DPP10: variants seen among roughly 807,000 people sequenced by gnomAD.
DPP10 encodes dipeptidyl peptidase like 10, also known as inactive dipeptidyl peptidase 10.
A neutral mutation model predicts 120.9 loss-of-function variants in DPP10; 33 were observed. The ratio of observed to expected loss-of-function variants is 0.27; its 90% CI spans 0.21 to 0.37. The LOEUF (loss-of-function observed/expected upper bound fraction) is 0.37. DPP10 is among the 10% of genes least tolerant of loss of function. The pLI is 1.00. For synonymous variants in DPP10, 337 were observed against 326.1 expected (o/e 1.03, Z -0.36); for missense variants, 816 against 942.8 (o/e 0.87, Z 1.76).
At chr2:114,627,331 C>G (rs1340257721) in intron 1 of DPP10, among the ~76,000 whole-genome samples, 1 of 152,134 alleles carries the variant, frequency 6.6e-6, no homozygotes, top group Non-Finnish European at 1.5e-5. Flanking sequence ...ATACATTTTT[C>G]AAGCAGTAGT....
chr2:115,409,543 A>G lies in DPP10; in HGVS notation c.271+65631A>G, dbSNP rs72840779. Among the ~76,000 whole-genome samples the G allele has an allele frequency of 9.3e-3, 1,423 of 152,324 alleles. 11 individuals carry two copies. The highest frequency in any genetic ancestry group is 0.014 in the Non-Finnish European group (926 of 68,014). The stretch of plus-strand genomic sequence containing the variant: ...TTGGCATAGATCTTGTGAATCAGGA[A>G]CGCTTTTACACTGCTAGTGGAAATG... On this transcript the variant is annotated intron_variant, in intron 3 of 25. Transcript: ENST00000410059.
Position 114,930,255 on chromosome 2 carries a change from G to A in DPP10, c.61-378984G>A, listed in dbSNP as rs13420315. ...TCTCCTTAAAATATTCTTCTCTACC[G>A]CATAGCCAGGCTGAAAATTTTCTAA... On this transcript the variant is annotated intron_variant, in intron 1 of 25. Transcript: ENST00000410059. Among the ~76,000 whole-genome samples, 625 of 152,092 alleles carry A rather than the reference G, an allele frequency of 4.1e-3. 1 individual carries two copies. Among genetic ancestry groups the A allele is most frequent in the African/African-American group, 0.015 (603 of 41,462 alleles).
At chr2:114,813,936 G>A (rs113498511) in intron 1 of DPP10, among the ~76,000 whole-genome samples, 35 of 122,122 alleles carry the variant, frequency 2.9e-4, no homozygotes, top group African/African-American at 8.2e-4. Flanking sequence ...ACAGTGGCAC[G>A]CATGAACACA....
At chr2:115,664,657 G>A (rs1481908931) in intron 5 of DPP10, among the ~76,000 whole-genome samples, 1 of 152,186 alleles carries the variant, frequency 6.6e-6, no homozygotes, top group Non-Finnish European at 1.5e-5. Context: ...GTATTTAGCT[G>A]CTGAGCTCAC....
chr2:115,395,948 C>G (rs1230135578), intron 3 of DPP10, among the ~76,000 whole-genome samples: 1 of 152,108 alleles, frequency 6.6e-6, no homozygotes, highest in Non-Finnish European at 1.5e-5. Context: ...GATTCAATTT[C>G]TGATAGTGAA....
At position 115,629,218 on chromosome 2, in the gene DPP10, G is replaced by T. The variant is rs1392361978; in HGVS notation, c.442-60469G>T. 1.6e-4 allele frequency among the ~76,000 whole-genome samples: 24 copies of T among 152,068 alleles called. 1 individual carries two copies. Among genetic ancestry groups the T allele is most frequent in the Non-Finnish European group, 2.2e-4 (15 of 68,026 alleles). On this transcript the variant is annotated intron_variant, in intron 5 of 25. Coordinates refer to ENST00000410059, the MANE Select transcript of DPP10 (RefSeq NM_020868.6). ...ATTTTCTTAATCCAGTCTATCATTG[G>T]TGGACATTTGGGTTGGTTCCAAGTC... is the stretch of plus-strand genomic sequence containing the variant.
chr2:115,372,890 C>T (rs1366896980), intron 3 of DPP10, among the ~76,000 whole-genome samples: 1 of 152,148 alleles, frequency 6.6e-6, no homozygotes, highest in African/African-American at 2.4e-5. Context: ...TTGCTTTTGT[C>T]ACTGAAAATA....
At chr2:115,320,398 C>A (rs1258213754) in intron 2 of DPP10, among the ~76,000 whole-genome samples, 8 of 151,684 alleles carry the variant, frequency 5.3e-5, no homozygotes, top group Admixed American at 4.6e-4. Flanking sequence ...TCTGTTTGTC[C>A]TTTTACGTGT....
At chr2:115,532,323 G>A (rs1266147169) in intron 5 of DPP10, among the ~76,000 whole-genome samples, 2 of 152,018 alleles carry the variant, frequency 1.3e-5, no homozygotes, top group Admixed American at 6.6e-5. Flanking sequence ...CCAGTTCACA[G>A]TTGCAGAGCT....
At chr2:115,303,871 C>G (rs748734433) in intron 1 of DPP10, among the ~76,000 whole-genome samples, 2 of 151,930 alleles carry the variant, frequency 1.3e-5, no homozygotes, top group Non-Finnish European at 2.9e-5. Context: ...GCTTTTCAAG[C>G]CAGAGCTGGC....
chr2:114,711,892 C>G (rs1416766582), intron 1 of DPP10, among the ~76,000 whole-genome samples: 1 of 152,030 alleles, frequency 6.6e-6, no homozygotes, highest in Non-Finnish European at 1.5e-5. Context: ...CTGCTGCTTC[C>G]AAAGATCTCA....
chr2:115,622,510 CTTTTT>C (rs70941082), intron 5 of DPP10, among the ~76,000 whole-genome samples: 55 of 117,410 alleles, frequency 4.7e-4, no homozygotes, highest in Non-Finnish European at 6.5e-4. Context: ...ATTTTATTGT[CTTTTT>C]TTTTTTTTTT....
At chr2:114,668,169 A>G (rs1444818800) in intron 1 of DPP10, among the ~76,000 whole-genome samples, 1 of 152,166 alleles carries the variant, frequency 6.6e-6, no homozygotes, top group Non-Finnish European at 1.5e-5. Flanking sequence ...ATAATCTGCC[A>G]TCTACAAGCT....
intron 19 of DPP10, among the ~76,000 whole-genome samples, chr2:115,805,219 A>C (rs1559177859): frequency 6.6e-6 from 1 of 151,832 alleles, no homozygotes; most frequent in Non-Finnish European, 1.5e-5. Flanking sequence ...TGGGCTTAGG[A>C]CCCTCCCAGC....
At chr2:115,529,945 A>G (rs2078362195) in intron 5 of DPP10, among the ~76,000 whole-genome samples, 2 of 152,138 alleles carry the variant, frequency 1.3e-5, no homozygotes, top group African/African-American at 2.4e-5. Flanking sequence ...TGGAATAAGG[A>G]ACATAAAACT....
chr2:114,449,166 G>C (rs1349802500), intron 1 of DPP10, among the ~76,000 whole-genome samples: 1 of 152,118 alleles, frequency 6.6e-6, no homozygotes, highest in Non-Finnish European at 1.5e-5. Flanking sequence ...CTTCTTGCCA[G>C]CTGTATCTGA....
chr2:115,015,356 T>C (rs1005135332), intron 1 of DPP10, among the ~76,000 whole-genome samples: 1 of 152,072 alleles, frequency 6.6e-6, no homozygotes, highest in African/African-American at 2.4e-5. Context: ...ATACTCAAAA[T>C]AATAAGAGCT....
chr2:114,577,849 G>A (rs554421358), intron 1 of DPP10, among the ~76,000 whole-genome samples: 6 of 152,184 alleles, frequency 3.9e-5, no homozygotes, highest in East Asian at 1.9e-4. Flanking sequence ...TTATTATCAC[G>A]TGACATTCTT....
intron 1 of DPP10, among the ~76,000 whole-genome samples, chr2:114,755,580 A>G (rs1277888205): frequency 2.6e-5 from 4 of 152,202 alleles, no homozygotes; most frequent in Non-Finnish European, 5.9e-5. Flanking sequence ...GAAGAAAGCA[A>G]ACAGGATATA....
Sources: gnomAD v4.1 joint callset for allele counts (sites outside exome capture counted in the v4.1 genomes callset) on GRCh38, gnomAD v4.1.1 for gene constraint, MANE v1.5 for transcripts, NCBI Gene and HGNC (gene_info 2026-07-23, HGNC 2026-07-21) for gene names.